CNOT7: variants seen among roughly 807,000 people sequenced by gnomAD.
The protein encoded by CNOT7 is BTG1-binding factor 1.
CNOT7 carries 4 observed loss-of-function variants against 37.1 expected under a neutral mutation model. The ratio of observed to expected loss-of-function variants is 0.11; its 90% confidence interval spans 0.05 to 0.25. The LOEUF is 0.25. Among genes scored for constraint, CNOT7 ranks in the 10% least tolerant of loss-of-function variants. The probability of loss-of-function intolerance (pLI) is 1.00; values close to 1 mark genes in which losing one functional copy is unlikely to be tolerated. For synonymous variants in CNOT7, 128 were observed against 115.6 expected (o/e 1.11, Z -0.69); for missense variants, 170 against 336.2 (o/e 0.51, Z 3.87).
chr8:17,242,777 A>G, intron 3 of CNOT7: 1 of 374,932 alleles, frequency 2.7e-6, no homozygotes, highest in Non-Finnish European at 4.7e-6. Flanking sequence ...AAAAAGCTGC[A>G]GTCATATTTT....
At position 17,242,974 on chromosome 8, in the gene CNOT7, C is replaced by G. The variant is rs764529878; in HGVS notation, c.311+18G>C. On this transcript the variant is annotated intron_variant, in intron 3 of 6. Coordinates refer to ENST00000361272, the MANE Select transcript of CNOT7 (RefSeq NM_013354.7). ...AAAAAAAAAAAAAGTCTGGGTTATACAGTTATTTCCCACTTACGTCAAATT... is the reference window on the plus strand; with the variant it reads ...AAAAAAAAAAAAAGTCTGGGTTATAGAGTTATTTCCCACTTACGTCAAATT... The G allele has an allele frequency of 6.6e-6, 10 of 1,521,880 alleles. No individual in the cohort carries two copies. The highest frequency in any genetic ancestry group is 5.7e-5 in the African/African-American group (4 of 70,298). The allele number at this position is 1,521,880 out of a possible 1,614,324, so 94.3% of individuals were successfully genotyped here.
chr8:17,246,754 G>C lies in CNOT7; in HGVS notation c.-175C>G. ...CGGCGGCGGTGGCGGTGGCGGTGGCGGTAGCGGCGGCGGCAGCGGGTGCCC... is the reference window on the plus strand; with the variant it reads ...CGGCGGCGGTGGCGGTGGCGGTGGCCGTAGCGGCGGCGGCAGCGGGTGCCC... On this transcript the variant is annotated 5_prime_UTR_variant, in exon 1 of 7. Coordinates refer to ENST00000361272, the MANE Select transcript of CNOT7 (RefSeq NM_013354.7). 1.1e-5 allele frequency: 2 copies of C among 186,666 alleles called. No individual in the cohort carries two copies. Among genetic ancestry groups the C allele is most frequent in the South Asian group, 8.6e-5 (1 of 11,614 alleles). The allele number at this position is 186,666 out of a possible 1,614,324, so 11.6% of individuals were successfully genotyped here.
In CNOT7 at chr8:17,232,348, C is replaced by A. The variant is rs1808749252; in HGVS notation, c.729+79G>T. 6 of 1,608,236 alleles carry A rather than the reference C, an allele frequency of 3.7e-6. No individual in the cohort carries two copies. In the South Asian group the frequency reaches 6.7e-5, roughly 18 times the overall value. On this transcript the variant is annotated intron_variant, in intron 6 of 6. Transcript: ENST00000361272. ...ATCTTTACTTAGTAGGTACTTGTTG[C>A]CCAAAATCTTTGGCCACAAGATTTT... is the stretch of plus-strand genomic sequence containing the variant.
chr8:17,239,725 C>G (rs1278423309), intron 3 of CNOT7, among the ~76,000 whole-genome samples: 1 of 152,008 alleles, frequency 6.6e-6, no homozygotes. Flanking sequence ...GATCTCCTGA[C>G]CTTGTGATCC....
rs1198098277 is a variant in CNOT7, at chr8:17,245,089, C to T, written c.64G>A (p.Glu22Lys). The stretch of plus-strand genomic sequence containing the variant: ...ACTTGACGAATTTTCTTCATCTCTT[C>T]ATCCAAGTTGCAAGCCCAAACTTCA... ...ICEVWACNLD[E>K]EMKKIRQVIR... Residue 22 changes from glutamate (E) to lysine (K), a missense_variant, in exon 2 of 7, where the codon GAA becomes AAA. Transcript: ENST00000361272. 6.2e-7 allele frequency: 1 copy of T among 1,613,726 alleles called. No homozygotes were observed. Among genetic ancestry groups the T allele is most frequent in the South Asian group, 1.1e-5 (1 of 91,054 alleles).
rs1811217286 is a variant in CNOT7, at chr8:17,246,782, T to C, written c.-203A>G. On this transcript the variant is annotated 5_prime_UTR_variant, in exon 1 of 7. An upstream start codon of the reference 5' UTR is lost. Transcript: ENST00000361272. ...AGCGGCGGCGGCAGCGGGTGCCCCATAGACACCTCTCGCCCAGCGAAGGGA... is the reference window on the plus strand; with the variant it reads ...AGCGGCGGCGGCAGCGGGTGCCCCACAGACACCTCTCGCCCAGCGAAGGGA... 9.8e-6 allele frequency: 2 copies of C among 204,438 alleles called. No homozygotes were observed. Among genetic ancestry groups the C allele is most frequent in the East Asian group, 1.8e-4 (1 of 5,696 alleles). The allele number at this position is 204,438 out of a possible 1,614,324, so 12.7% of individuals were successfully genotyped here. A position where few individuals can be genotyped will look rare whatever the true frequency, so the allele number is the denominator to read the frequency against.
Position 17,227,770 on chromosome 8 carries a change from A to G in CNOT7, c.*2950T>C, listed in dbSNP as rs1449169180. 3.9e-5 allele frequency: 6 copies of G among 151,902 alleles called. No homozygotes were observed. The highest frequency in any genetic ancestry group is 2.0e-4 in the Admixed American group (3 of 15,220). The allele number at this position is 151,902 out of a possible 1,614,324, so 9.4% of individuals were successfully genotyped here. On this transcript the variant is annotated 3_prime_UTR_variant, in exon 7 of 7. Transcript: ENST00000361272. ...CATTATAAACACAATGTACCAGCAT[A>G]TAATAAAATAGTCCATATTCCAATG...
intron 1 of CNOT7, among the ~76,000 whole-genome samples, chr8:17,245,641 A>G (rs1162600332): frequency 1.3e-5 from 2 of 152,200 alleles, no homozygotes; most frequent in Non-Finnish European, 2.9e-5. Context: ...GATGGTGTTT[A>G]TTTTTATTCC....
chr8:17,230,546 T>C lies in CNOT7; in HGVS notation c.*174A>G, dbSNP rs972623448. ...CCTGAATGCGTTTTTTTTTTTCTTT[T>C]TATTAAGATCTGAGATAGGAACGGT... is the stretch of plus-strand genomic sequence containing the variant. On this transcript the variant is annotated 3_prime_UTR_variant, in exon 7 of 7. Transcript: ENST00000361272. The C allele has an allele frequency of 1.2e-5, 5 of 417,596 alleles. No individual in the cohort carries two copies. The Middle Eastern group carries it at 2.0e-3, about 171-fold the overall frequency. 25.9% of individuals were successfully genotyped at this position (417,596 alleles called of 1,614,324 possible).
intron 3 of CNOT7, among the ~76,000 whole-genome samples, chr8:17,238,631 T>C (rs532891659): frequency 1.3e-5 from 2 of 151,974 alleles, no homozygotes; most frequent in African/African-American, 4.8e-5. Context: ...TTAGCAACTA[T>C]AAGCAATGAA....
rs996523789 is a variant in CNOT7 at position 17,226,707 on chromosome 8, A to T, written c.*4013T>A. ...GCTGTTTTGACTTCTCATAGCACAG[A>T]AAGTATATAAAGCAGCTTGACAATC... On this transcript the variant is annotated 3_prime_UTR_variant, in exon 7 of 7. Coordinates refer to ENST00000361272, the MANE Select transcript of CNOT7 (RefSeq NM_013354.7). 6.6e-6 allele frequency: 1 copy of T among 151,788 alleles called. No homozygotes were observed. The highest frequency in any genetic ancestry group is 2.4e-5 in the African/African-American group (1 of 41,410). The allele number at this position is 151,788 out of a possible 1,614,324, so 9.4% of individuals were successfully genotyped here.
rs1271195492 is a variant in CNOT7 at position 17,229,840 on chromosome 8, A to T, written c.*880T>A. 3 of 38,796 alleles carry T rather than the reference A, an allele frequency of 7.7e-5. No homozygotes were observed. The highest frequency in any genetic ancestry group is 1.3e-4 in the African/African-American group (3 of 22,250). The allele number at this position is 38,796 out of a possible 1,614,324, so 2.4% of individuals were successfully genotyped here. The stretch of plus-strand genomic sequence containing the variant: ...CATCATAAGAATGGCTACAAAATTT[A>T]AAAAAAAAAAAAGGGTAAATGGTGA... On this transcript the variant is annotated 3_prime_UTR_variant, in exon 7 of 7. Transcript: ENST00000361272.
At position 17,227,120 on chromosome 8, in the gene CNOT7, G is replaced by C. The variant is rs540780262; in HGVS notation, c.*3600C>G. ...CAATATTTCCTGTGAAGTACCTGCT[G>C]ATGAATAATCAAGTGAGTAACTACA... On this transcript the variant is annotated 3_prime_UTR_variant, in exon 7 of 7. Transcript: ENST00000361272. 1 of 151,794 alleles carries C rather than the reference G, an allele frequency of 6.6e-6. No homozygotes were observed. Among genetic ancestry groups the C allele is most frequent in the Admixed American group, 6.6e-5 (1 of 15,212 alleles). 9.4% of individuals were successfully genotyped at this position (151,794 alleles called of 1,614,324 possible).
In CNOT7 at chr8:17,245,252, C is replaced by T; in HGVS notation, c.-95-5G>A. On this transcript the variant is annotated splice_polypyrimidine_tract_variant and splice_region_variant and intron_variant, in intron 1 of 6. Transcript: ENST00000361272. ...TTTTATCCTTTATTTATGTACCTGT[C>T]AAAATAAAAAAACAATATGAAGACC... 2 of 1,254,214 alleles carry T rather than the reference C, an allele frequency of 1.6e-6. No individual in the cohort carries two copies. Among genetic ancestry groups the T allele is most frequent in the Admixed American group, 3.3e-5 (1 of 30,748 alleles). The allele number at this position is 1,254,214 out of a possible 1,614,324, so 77.7% of individuals were successfully genotyped here.
At chr8:17,243,751 A>G in intron 2 of CNOT7, 1 of 415,630 alleles carries the variant, frequency 2.4e-6, no homozygotes, top group South Asian at 1.7e-5. Context: ...TCACTTCTCT[A>G]TGTTGCCACT....
intron 5 of CNOT7, 163 bp downstream of exon 5, chr8:17,234,553 A>G (rs1328691908): frequency 2.8e-6 from 2 of 721,730 alleles, no homozygotes; most frequent in Non-Finnish European, 4.6e-6. Flanking sequence ...GATTCCCTAC[A>G]AATTATGTAT....
chr8:17,244,874 G>T, intron 2 of CNOT7, 162 bp downstream of exon 2: 1 of 612,730 alleles, frequency 1.6e-6, no homozygotes, highest in Non-Finnish European at 2.9e-6. Context: ...CAAATCACAG[G>T]TGTATTCCTG....
chr8:17,228,081 TA>T lies in CNOT7; in HGVS notation c.*2638del, dbSNP rs1310880728. 2.0e-5 allele frequency: 3 copies of T among 151,910 alleles called. No homozygotes were observed. The highest frequency in any genetic ancestry group is 2.9e-5 in the Non-Finnish European group (2 of 67,830). 9.4% of individuals were successfully genotyped at this position (151,910 alleles called of 1,614,324 possible). ...CATTCCAATAAAAACTTATAGACAC[TA>T]AAATTTGAATTTCATGTAATTTTCA... is the stretch of plus-strand genomic sequence containing the variant. On this transcript the variant is annotated 3_prime_UTR_variant, in exon 7 of 7. Coordinates refer to ENST00000361272, the MANE Select transcript of CNOT7 (RefSeq NM_013354.7).
intron 2 of CNOT7, among the ~76,000 whole-genome samples, chr8:17,243,866 T>C (rs919165525): frequency 6.6e-6 from 1 of 152,208 alleles, no homozygotes; most frequent in Non-Finnish European, 1.5e-5. Flanking sequence ...TAGTATGTCA[T>C]CTACAAAGAA....
Sources: gnomAD v4.1 joint callset for allele counts (sites outside exome capture counted in the v4.1 genomes callset) on GRCh38, gnomAD v4.1.1 for gene constraint, MANE v1.5 for transcripts, NCBI Gene and HGNC (gene_info 2026-07-23, HGNC 2026-07-21) for gene names.